The following TUSC3 variants were observed in gnomAD, a reference collection of about 807,000 sequenced individuals.
TUSC3 encodes tumor suppressor candidate 3.
Under a neutral mutation model 44.8 loss-of-function variants are expected in TUSC3, and 45 were observed. The ratio of observed to expected loss-of-function variants is 1.00; its 90% CI spans 0.79 to 1.29. The LOEUF is 1.29. Ranked by LOEUF, TUSC3 falls within the 50% of genes most tolerant of loss-of-function variation. The probability of loss-of-function intolerance (pLI) is 0.00; values close to 1 mark genes in which losing one functional copy is unlikely to be tolerated. For synonymous variants in TUSC3, 212 were observed against 152.9 expected (o/e 1.39, Z -2.85); for missense variants, 519 against 437.9 (o/e 1.19, Z -1.65).
the TUSC3 span, among the ~76,000 whole-genome samples, chr8:15,805,674 C>T: frequency 1.3e-5 from 2 of 152,084 alleles, no homozygotes; most frequent in Non-Finnish European, 2.9e-5. Context: ...GGAGTGAAGC[C>T]TACTTGATCA....
the TUSC3 span, among the ~76,000 whole-genome samples, chr8:15,825,583 A>T: frequency 5.3e-5 from 8 of 152,256 alleles, no homozygotes; most frequent in East Asian, 9.6e-4. Flanking sequence ...CAGACTGGCA[A>T]CAAGATGCTG....
the TUSC3 span, among the ~76,000 whole-genome samples, chr8:15,819,929 T>C: frequency 6.6e-6 from 1 of 152,186 alleles, no homozygotes; most frequent in African/African-American, 2.4e-5. Context: ...TTGTTAGTCA[T>C]ATGGTCTAAT....
chr8:15,771,221 A>C (rs12375280), downstream of TUSC3, among the ~76,000 whole-genome samples: 116,147 of 151,598 alleles, frequency 0.77, 44,673 homozygotes, highest in Admixed American at 0.8. Context: ...ATAGACCTAT[A>C]CCATAAAACA....
chr8:15,824,502 G>T, the TUSC3 span, among the ~76,000 whole-genome samples: 1 of 150,786 alleles, frequency 6.6e-6, no homozygotes, highest in Non-Finnish European at 1.5e-5. Flanking sequence ...GCAAACTATC[G>T]CAAGGACAAA....
intron 2 of TUSC3, among the ~76,000 whole-genome samples, chr8:15,647,022 T>C (rs1806663473): frequency 6.6e-6 from 1 of 152,120 alleles, no homozygotes; most frequent in African/African-American, 2.4e-5. Context: ...TGAGCAGACA[T>C]CTTCTTCCCC....
chr8:15,451,187 T>C (rs1006349969), intron 1 of TUSC3, among the ~76,000 whole-genome samples: 2 of 152,170 alleles, frequency 1.3e-5, no homozygotes, highest in African/African-American at 4.8e-5. Context: ...ATATATGTCT[T>C]ATTTCTTGTA....
chr8:15,697,575 G>C (rs1009544296), intron 6 of TUSC3, among the ~76,000 whole-genome samples: 1 of 152,150 alleles, frequency 6.6e-6, no homozygotes, highest in African/African-American at 2.4e-5. Flanking sequence ...AATCAGAATT[G>C]TATTCATCTT....
Position 15,499,075 on chromosome 8 carries a change from C to T in TUSC3, n.189+15592C>T, listed in dbSNP as rs567153258. Among the ~76,000 whole-genome samples, 9 of 151,970 alleles carry T rather than the reference C, an allele frequency of 5.9e-5. No individual in the cohort carries two copies. The East Asian group carries it at 1.6e-3, about 26-fold the overall frequency. Reference sequence around the variant, plus strand: ...CATTCTTCTCCAACTTGCCCCAACTCTTGCCATCAGACTCCATCACCCACT... The same window carrying T: ...CATTCTTCTCCAACTTGCCCCAACTTTTGCCATCAGACTCCATCACCCACT... On this transcript the variant is annotated intron_variant and non_coding_transcript_variant, in intron 2 of 5. Coordinates refer to the TUSC3 transcript ENST00000503191.
At chr8:15,750,037 T>A (rs1433468867) in intron 9 of TUSC3, among the ~76,000 whole-genome samples, 1 of 150,538 alleles carries the variant, frequency 6.6e-6, no homozygotes. Context: ...TGGAGTGCAG[T>A]GGCTTGATCT....
intron 1 of TUSC3, among the ~76,000 whole-genome samples, chr8:15,459,089 C>T (rs985367773): frequency 6.6e-6 from 1 of 152,176 alleles, no homozygotes; most frequent in African/African-American, 2.4e-5. Context: ...AGTATCTATA[C>T]TCCTAGCCTT....
At chr8:15,813,735 A>G in the TUSC3 span, among the ~76,000 whole-genome samples, 1 of 152,138 alleles carries the variant, frequency 6.6e-6, no homozygotes, top group Non-Finnish European at 1.5e-5. Context: ...CTTGGGATGG[A>G]TCAAGATAGC....
chr8:15,471,011 A>G (rs1331369676), intron 1 of TUSC3, among the ~76,000 whole-genome samples: 1 of 152,232 alleles, frequency 6.6e-6, no homozygotes, highest in Admixed American at 6.5e-5. Flanking sequence ...TTCATCAAGT[A>G]GATGATAATC....
intron 6 of TUSC3, among the ~76,000 whole-genome samples, chr8:15,678,244 G>T (rs2129184749): frequency 6.6e-6 from 1 of 152,244 alleles, no homozygotes; most frequent in Admixed American, 6.5e-5. Flanking sequence ...CAGCACTGGT[G>T]GACTTTGTCT....
downstream of TUSC3, among the ~76,000 whole-genome samples, chr8:15,769,281 G>C (rs540718158): frequency 6.6e-6 from 1 of 152,084 alleles, no homozygotes; most frequent in East Asian, 1.9e-4. Context: ...AATACCACAC[G>C]TCTACAACCA....
intron 1 of TUSC3, among the ~76,000 whole-genome samples, chr8:15,456,301 A>G (rs181187481): frequency 3.2e-3 from 488 of 152,312 alleles, no homozygotes; most frequent in Middle Eastern, 6.8e-3. Context: ...TGTTTGTGCA[A>G]TGGGCAGGCG....
At chr8:15,457,839 GATTAATTATCTAATA>G (rs1415457547) in intron 1 of TUSC3, among the ~76,000 whole-genome samples, 3 of 138,028 alleles carry the variant, frequency 2.2e-5, no homozygotes, top group South Asian at 2.2e-4. Flanking sequence ...TAATAAATTA[GATTAATTATCTAATA>G]ATTATCTAAT....
chr8:15,514,884 G>T (rs914901511), intron 2 of TUSC3, among the ~76,000 whole-genome samples: 1 of 152,066 alleles, frequency 6.6e-6, no homozygotes, highest in Non-Finnish European at 1.5e-5. Flanking sequence ...AATAAAATGG[G>T]TATAATACAA....
intron 6 of TUSC3, among the ~76,000 whole-genome samples, chr8:15,681,288 A>C (rs1333925413): frequency 6.6e-6 from 1 of 151,556 alleles, no homozygotes. Context: ...AATTCATCTG[A>C]ATACATCTGG....
At chr8:15,417,938 T>G (rs543807625) in intron 1 of TUSC3, among the ~76,000 whole-genome samples, 1 of 152,144 alleles carries the variant, frequency 6.6e-6, no homozygotes, top group Admixed American at 6.6e-5. Context: ...TGTGGGAAAG[T>G]TCTTTGCAAC....
Sources: allele counts gnomAD v4.1 joint callset (sites outside exome capture counted in the v4.1 genomes callset), GRCh38; gene constraint gnomAD v4.1.1; transcripts MANE v1.5; gene names NCBI Gene and HGNC (gene_info 2026-07-23, HGNC 2026-07-21).